The following KLF13 variants were observed in gnomAD, a reference collection of about 807,000 sequenced individuals.
The protein encoded by KLF13 is Krueppel-like factor 13.
In KLF13, 8 loss-of-function variants were observed where a neutral mutation model predicts 16.7. The observed-to-expected ratio is 0.48, with a 90% CI of 0.28 to 0.87. The LOEUF (loss-of-function observed/expected upper bound fraction) is 0.87. Among genes scored for constraint, KLF13 ranks in the 40% least tolerant of loss-of-function variants. The probability of loss-of-function intolerance (pLI) is 0.10; values close to 1 mark genes in which losing one functional copy is unlikely to be tolerated. For missense variants in KLF13, 447 were observed against 452.2 expected, an observed-to-expected ratio of 0.99 and a Z score of 0.10; for synonymous variants, 245 against 208.4, an observed-to-expected ratio of 1.18 and a Z score of -1.51.
At chr15:31,340,838 A>G (rs903798728) in intron 1 of KLF13, among the ~76,000 whole-genome samples, 2 of 152,222 alleles carry the variant, frequency 1.3e-5, no homozygotes, top group Non-Finnish European at 2.9e-5. Flanking sequence ...CACTACACTC[A>G]AACCTGGGCG....
intron 2 of KLF13, among the ~76,000 whole-genome samples, chr15:31,396,507 A>C (rs559134472): frequency 1.2e-3 from 176 of 152,188 alleles, no homozygotes; most frequent in Admixed American, 5.1e-3. Context: ...GTGAGTTGGG[A>C]GTGCTGATTG....
intron 1 of KLF13, among the ~76,000 whole-genome samples, chr15:31,413,172 G>A (rs905579515): frequency 4.7e-5 from 4 of 84,388 alleles, no homozygotes; most frequent in Non-Finnish European, 9.5e-5. Context: ...GAAGAACAGA[G>A]AGAAAATGAA....
rs925351789 is a variant in KLF13, at chr15:31,330,370, A to G, written c.577+2581A>G. ...CCCACTTCCCGCATTTCCAGGATCC[A>G]CAGTAATTTCATGGCAGAGGGTGAA... On this transcript the variant is annotated intron_variant, in intron 1 of 1. Coordinates refer to ENST00000307145, the MANE Select transcript of KLF13 (RefSeq NM_015995.4). Among the ~76,000 whole-genome samples, 10 of 152,308 alleles carry G rather than the reference A, an allele frequency of 6.6e-5. No individual in the cohort carries two copies. The East Asian group carries it at 1.2e-3, about 18-fold the overall frequency.
intron 1 of KLF13, among the ~76,000 whole-genome samples, chr15:31,410,349 C>T (rs2040177193): frequency 6.6e-6 from 1 of 151,072 alleles, no homozygotes; most frequent in Non-Finnish European, 1.5e-5. Context: ...TACAGAGGGA[C>T]CAAAAAGAAA....
chr15:31,345,770 G>C (rs1449640418), intron 1 of KLF13, among the ~76,000 whole-genome samples: 1 of 152,130 alleles, frequency 6.6e-6, no homozygotes, highest in Non-Finnish European at 1.5e-5. Context: ...TTCTGACCCG[G>C]GTGTCTGCCC....
intron 1 of KLF13, among the ~76,000 whole-genome samples, chr15:31,387,147 C>T (rs1266774058): frequency 6.6e-6 from 1 of 152,168 alleles, no homozygotes; most frequent in Non-Finnish European, 1.5e-5. Flanking sequence ...TTGAGAGGAC[C>T]GACTCCAATT....
At chr15:31,366,805 G>C (rs1384123565) in intron 1 of KLF13, among the ~76,000 whole-genome samples, 2 of 152,180 alleles carry the variant, frequency 1.3e-5, no homozygotes, top group Non-Finnish European at 2.9e-5. Context: ...CATAACAGCA[G>C]TTTTTAGAGT....
At chr15:31,400,552 C>A (rs373252065) in intron 2 of KLF13, among the ~76,000 whole-genome samples, 27 of 152,124 alleles carry the variant, frequency 1.8e-4, no homozygotes, top group Non-Finnish European at 3.4e-4. Context: ...GCTGGGACAG[C>A]GGCAAGGCAG....
rs201016352 is a variant in KLF13 at position 31,429,695 on chromosome 15, TTTTATTTATTTATTTATTTATTTA to T, written n.118-5643_118-5620del. Among the ~76,000 whole-genome samples the T allele has an allele frequency of 9.8e-4, 135 of 137,692 alleles. 1 individual carries two copies. In the South Asian group the frequency reaches 0.027, roughly 27 times the overall value. The allele number at this position is 137,692 out of a possible 152,430, so 90.3% of individuals were successfully genotyped here. On this transcript the variant is annotated intron_variant and non_coding_transcript_variant, in intron 1 of 1. Coordinates refer to the KLF13 transcript ENST00000558225. ...ATGATCTTAGCACAGAGAAAGATTC[TTTTATTTATTTATTTATTTATTTA>T]TTTATTTATTTATTTATTTATTTAT... is the stretch of plus-strand genomic sequence containing the variant.
chr15:31,397,481 G>A (rs11636300), intron 2 of KLF13, among the ~76,000 whole-genome samples: 82,925 of 152,168 alleles, frequency 0.54, 23,493 homozygotes, highest in South Asian at 0.66. Flanking sequence ...GCCTCGGAGT[G>A]GGAGGGGCCG....
rs145820227 is a variant in KLF13, at chr15:31,384,591, G to T, written n.224-50779G>T. 9.3e-4 allele frequency among the ~76,000 whole-genome samples: 142 copies of T among 152,278 alleles called. 1 individual carries two copies. The highest frequency in any genetic ancestry group is 3.4e-3 in the Middle Eastern group (1 of 294). ...CATTAAAACTCACAATAGCACTTTT[G>T]TGAGGCTAAGAGCTTGCCAAAGGTA... is the stretch of plus-strand genomic sequence containing the variant. On this transcript the variant is annotated intron_variant and non_coding_transcript_variant, in intron 1 of 1. Transcript: ENST00000558921.
intron 1 of KLF13, chr15:31,419,992 T>G (rs1159602802): frequency 1.3e-5 from 4 of 299,942 alleles, no homozygotes; most frequent in African/African-American, 8.7e-5. Context: ...ATCAGCTGAT[T>G]TCTCAGCAGA....
chr15:31,428,820 A>AAAAAAAAAAAAAAAAAAAAG lies in KLF13; in HGVS notation n.118-6545_118-6544insAAAAAAAAAAAAAAGAAAAA, dbSNP rs61521558. Among the ~76,000 whole-genome samples the AAAAAAAAAAAAAAAAAAAAG allele has an allele frequency of 2.5e-3, 183 of 72,630 alleles. 1 individual carries two copies. Among genetic ancestry groups the AAAAAAAAAAAAAAAAAAAAG allele is most frequent in the Non-Finnish European group, 2.9e-3 (127 of 43,086 alleles). The allele number at this position is 72,630 out of a possible 152,430, so 47.6% of individuals were successfully genotyped here. ...TCTATCTCAAAAAAAAAAAAAAAAA[A>AAAAAAAAAAAAAAAAAAAAG]AAAAAGAAAAAGAAAAAGAAATGCC... is the stretch of plus-strand genomic sequence containing the variant. On this transcript the variant is annotated intron_variant and non_coding_transcript_variant, in intron 1 of 1. Coordinates refer to the KLF13 transcript ENST00000558225.
chr15:31,422,471 T>A (rs1355334244), intron 1 of KLF13, among the ~76,000 whole-genome samples: 1 of 151,714 alleles, frequency 6.6e-6, no homozygotes, highest in Non-Finnish European at 1.5e-5. Context: ...GACTCACTCA[T>A]TACCATGAGA....
intron 1 of KLF13, among the ~76,000 whole-genome samples, chr15:31,426,311 A>C (rs1393403985): frequency 6.6e-6 from 1 of 152,236 alleles, no homozygotes; most frequent in Non-Finnish European, 1.5e-5. Context: ...AATTAACTTA[A>C]AAAAGATAAT....
intron 1 of KLF13, among the ~76,000 whole-genome samples, chr15:31,370,207 C>A (rs2039537073): frequency 6.6e-6 from 1 of 151,830 alleles, no homozygotes; most frequent in Non-Finnish European, 1.5e-5. Flanking sequence ...ACCCTTTCCC[C>A]CAACATGTAA....
chr15:31,327,505 TGCC>T lies in KLF13; in HGVS notation c.300_302del (p.Pro101del), dbSNP rs540741003. 755 of 1,144,028 alleles carry T rather than the reference TGCC, an allele frequency of 6.6e-4. 14 individuals carry two copies. The East Asian group carries it at 0.023, about 35-fold the overall frequency. 70.9% of individuals were successfully genotyped at this position (1,144,028 alleles called of 1,614,324 possible). On this transcript the variant is annotated inframe_deletion, in exon 1 of 2. Coordinates refer to ENST00000307145, the MANE Select transcript of KLF13 (RefSeq NM_015995.4). The stretch of plus-strand genomic sequence containing the variant: ...CGGAAGGCGAGGACCCCCTGCCGCC[TGCC>T]GCCGCCCGCCCCCGAGCCCACCTCC...
At chr15:31,380,273 C>T (rs1261988909), downstream of KLF13, among the ~76,000 whole-genome samples, 2 of 152,188 alleles carry the variant, frequency 1.3e-5, no homozygotes, top group Non-Finnish European at 2.9e-5. Flanking sequence ...GCATGGACAA[C>T]AAGAGCGAAA....
downstream of KLF13, among the ~76,000 whole-genome samples, chr15:31,379,998 C>T (rs2039704837): frequency 6.6e-6 from 1 of 152,202 alleles, no homozygotes; most frequent in Non-Finnish European, 1.5e-5. Flanking sequence ...ACATCTGCCC[C>T]TCTAAAGAAG....
Sources: allele counts gnomAD v4.1 joint callset (sites outside exome capture counted in the v4.1 genomes callset), GRCh38; gene constraint gnomAD v4.1.1; transcripts MANE v1.5; gene names NCBI Gene and HGNC (gene_info 2026-07-23, HGNC 2026-07-21).